Variants in TEX11 observed in about 807,000 individuals in gnomAD.
TEX11 encodes the protein testis expressed 11, also known as testis-expressed protein 11.
A neutral mutation model predicts 84.4 loss-of-function variants in TEX11; 7 were observed. That is an observed-to-expected ratio of 0.08 (90% CI 0.05 to 0.16). The LOEUF (loss-of-function observed/expected upper bound fraction) is 0.16, where lower values mean the gene tolerates loss of function less well. TEX11 is among the 10% of genes least tolerant of loss of function. TEX11 has a pLI of 1.00. For synonymous variants in TEX11, 264 were observed against 222.8 expected (o/e 1.18, Z -1.64); for missense variants, 551 against 660.5 (o/e 0.83, Z 1.82).
chrX:70,687,945 A>C (rs1181018892), intron 13 of TEX11, among the ~76,000 whole-genome samples: 1 of 111,137 alleles, frequency 9.0e-6, no homozygotes, highest in Admixed American at 9.6e-5. Flanking sequence ...ACCTCATCTG[A>C]ACAACAGAGA....
chrX:70,870,945 T>C (rs2091626664), intron 4 of TEX11, among the ~76,000 whole-genome samples: 1 of 111,696 alleles, frequency 9.0e-6, no homozygotes, highest in South Asian at 3.8e-4. Context: ...GGAGTTTCAC[T>C]CTTGTCGCCC....
chrX:70,558,165 A>G (rs1348244021), intron 25 of TEX11, among the ~76,000 whole-genome samples: 1 of 111,256 alleles, frequency 9.0e-6, no homozygotes, highest in East Asian at 2.8e-4. Context: ...AGAAAGGAAA[A>G]GAAAAAGAAA....
chrX:70,515,096 C>G, the TEX11 span, among the ~76,000 whole-genome samples: 2 of 81,536 alleles, frequency 2.5e-5, no homozygotes, highest in African/African-American at 2.2e-4. Flanking sequence ...CACACACACA[C>G]AGAAAGAAGG....
At chrX:70,726,953 C>A (rs113731105) in intron 11 of TEX11, among the ~76,000 whole-genome samples, 12,113 of 110,450 alleles carry the variant, frequency 0.11, 581 homozygotes, top group Middle Eastern at 0.2. Flanking sequence ...CCTGTCTCAG[C>A]CTCCCAATGT....
intron 13 of TEX11, among the ~76,000 whole-genome samples, chrX:70,720,759 A>T (rs954893154): frequency 4.9e-5 from 3 of 61,561 alleles, no homozygotes; most frequent in Admixed American, 1.7e-4. Flanking sequence ...TGTATATATT[A>T]TATACATATA....
In TEX11 at chrX:70,670,409, A is replaced by C. The variant is rs1456954813; in HGVS notation, c.1348T>G (p.Cys450Gly). 1 of 1,209,079 alleles carries C rather than the reference A, an allele frequency of 8.3e-7. No homozygotes were observed. Among genetic ancestry groups the C allele is most frequent in the East Asian group, 3.0e-5 (1 of 33,780 alleles). Reference protein sequence around the residue: ...DFTKLQRNMACCYLNLQQLDK... With the variant: ...DFTKLQRNMAGCYLNLQQLDK... ...AGTTGTTGCAAATTCAGGTAACAGC[A>C]AGCCATGTTCCTCTGCAGCTTGGTG... Residue 450 changes from cysteine (C) to glycine (G), a missense_variant, in exon 16 of 30, where the codon TGC becomes GGC. Transcript: ENST00000374333.
At chrX:70,862,650 C>A (rs6525435) in intron 4 of TEX11, among the ~76,000 whole-genome samples, 1 of 108,387 alleles carries the variant, frequency 9.2e-6, no homozygotes, top group African/African-American at 3.4e-5. Context: ...ACACCTGTAA[C>A]CCCAACACTT....
intron 16 of TEX11, among the ~76,000 whole-genome samples, chrX:70,659,948 A>T (rs1168124453): frequency 8.9e-6 from 1 of 112,011 alleles, no homozygotes; most frequent in Non-Finnish European, 1.9e-5. Flanking sequence ...ACAAACTTAG[A>T]TGGTATAGCC....
chrX:70,868,766 C>T (rs1001145723), intron 4 of TEX11, among the ~76,000 whole-genome samples: 1 of 110,641 alleles, frequency 9.0e-6, no homozygotes, highest in Non-Finnish European at 1.9e-5. Context: ...TGTCAGCAAA[C>T]TAACACAGGA....
intron 16 of TEX11, among the ~76,000 whole-genome samples, chrX:70,654,728 A>G (rs1035391071): frequency 3.7e-5 from 4 of 107,620 alleles, no homozygotes; most frequent in Non-Finnish European, 7.7e-5. Flanking sequence ...AAAAAAAAAA[A>G]AAAAGAAATG....
intron 9 of TEX11, among the ~76,000 whole-genome samples, chrX:70,756,747 C>A (rs2090870289): frequency 1.8e-5 from 2 of 111,930 alleles, no homozygotes; most frequent in African/African-American, 3.2e-5. Context: ...AGCAAAGGAA[C>A]AAAACTGGAT....
intron 20 of TEX11, among the ~76,000 whole-genome samples, chrX:70,612,422 T>A (rs1033941851): frequency 1.8e-5 from 2 of 111,412 alleles, no homozygotes; most frequent in East Asian, 5.6e-4. Flanking sequence ...AGGGCTCTAA[T>A]GGATAAAGTG....
chrX:70,900,395 A>AAG (rs1556245994), intron 2 of TEX11, among the ~76,000 whole-genome samples: 1,780 of 60,045 alleles, frequency 0.03, 31 homozygotes, highest in Non-Finnish European at 0.042. Flanking sequence ...AAAAAAAAAA[A>AAG]AAGAAGAAGA....
intron 25 of TEX11, among the ~76,000 whole-genome samples, chrX:70,557,621 A>G (rs928383546): frequency 1.8e-5 from 2 of 112,171 alleles, no homozygotes; most frequent in Non-Finnish European, 3.8e-5. Context: ...AAATGGAAAC[A>G]TATCCCATGT....
chrX:70,552,048 T>C (rs1370622540), intron 28 of TEX11, 78 bp downstream of exon 28: 1 of 1,013,190 alleles, frequency 9.9e-7, no homozygotes, highest in Non-Finnish European at 1.3e-6. Flanking sequence ...GAAAGCATTA[T>C]TGTATATAAT....
chrX:70,854,572 C>T (rs140104665), intron 5 of TEX11, among the ~76,000 whole-genome samples: 1,199 of 109,279 alleles, frequency 0.011, 8 homozygotes, highest in Middle Eastern at 0.033. Flanking sequence ...CCTGTCTCTA[C>T]AAAAAATTTA....
At chrX:70,655,732 A>C (rs886329167) in intron 16 of TEX11, among the ~76,000 whole-genome samples, 1 of 111,482 alleles carries the variant, frequency 9.0e-6, no homozygotes, top group Non-Finnish European at 1.9e-5. Context: ...AGCTTTATCG[A>C]CACCTTGATT....
chrX:70,681,077 T>C (rs1201265511), intron 14 of TEX11, among the ~76,000 whole-genome samples: 3 of 112,895 alleles, frequency 2.7e-5, no homozygotes, highest in Admixed American at 9.3e-5. Flanking sequence ...AGAGTTCAAA[T>C]ACATTAGCAC....
intron 25 of TEX11, among the ~76,000 whole-genome samples, chrX:70,572,187 A>G (rs767808767): frequency 9.0e-6 from 1 of 110,719 alleles, no homozygotes; most frequent in Non-Finnish European, 1.9e-5. Flanking sequence ...AAAAGTGGGC[A>G]AAGGATATGA....
Sources: gnomAD v4.1 joint callset for allele counts (sites outside exome capture counted in the v4.1 genomes callset) on GRCh38, gnomAD v4.1.1 for gene constraint, MANE v1.5 for transcripts, NCBI Gene and HGNC (gene_info 2026-07-23, HGNC 2026-07-21) for gene names.